Variants in ARHGAP4 observed in about 807,000 individuals in gnomAD.
ARHGAP4 encodes rho GTPase-activating protein 4.
Under a neutral mutation model 67.6 loss-of-function variants are expected in ARHGAP4, and 25 were observed. The observed-to-expected ratio is 0.37, with a 90% CI of 0.27 to 0.52. ARHGAP4 has a LOEUF of 0.52. ARHGAP4 is among the 20% of genes least tolerant of loss of function. The pLI is 0.92. For synonymous variants in ARHGAP4, 448 were observed against 373.7 expected, an observed-to-expected ratio of 1.20 and a Z score of -2.29; for missense variants, 804 against 854.6, an observed-to-expected ratio of 0.94 and a Z score of 0.74.
Position 153,921,589 on chromosome X carries a change from C to G in ARHGAP4, c.272+16G>C, listed in dbSNP as rs2065095260. The G allele has an allele frequency of 8.3e-7, 1 of 1,207,474 alleles. No homozygotes were observed. The highest frequency in any genetic ancestry group is 3.0e-5 in the East Asian group (1 of 33,733). On this transcript the variant is annotated intron_variant, in intron 2 of 21. Transcript: ENST00000350060. ...CTTGGGCCCTGCCGTGGCCCCCCTG[C>G]CAGCACATCACCTACCGGAAGCTTT...
chrX:153,925,797 C>T (rs995236244), intron 1 of ARHGAP4, among the ~76,000 whole-genome samples: 5 of 112,983 alleles, frequency 4.4e-5, no homozygotes, highest in Non-Finnish European at 7.5e-5. Flanking sequence ...TTCACTGTAG[C>T]TAAAATACTG....
chrX:153,924,905 G>A (rs1422334792), intron 1 of ARHGAP4, among the ~76,000 whole-genome samples: 1 of 112,135 alleles, frequency 8.9e-6, no homozygotes, highest in Non-Finnish European at 1.9e-5. Flanking sequence ...AGAATTTAGG[G>A]TGTCAAGACA....
chrX:153,911,921 A>T (rs1265695171), intron 12 of ARHGAP4, among the ~76,000 whole-genome samples: 1 of 79,264 alleles, frequency 1.3e-5, no homozygotes, highest in Non-Finnish European at 2.1e-5. Flanking sequence ...ACAAATAAAA[A>T]AAAAAAAAAA....
At chrX:153,926,054 C>T in intron 1 of ARHGAP4, 82 bp downstream of exon 1, 1 of 1,135,798 alleles carries the variant, frequency 8.8e-7, no homozygotes, top group South Asian at 1.9e-5. Flanking sequence ...GGGCCCTGGG[C>T]CAGCGCGGGG....
At chrX:153,915,203 A>G (rs1243155170) in intron 7 of ARHGAP4, among the ~76,000 whole-genome samples, 1 of 75,300 alleles carries the variant, frequency 1.3e-5, no homozygotes, top group Non-Finnish European at 2.5e-5. Context: ...GTAGAGACGG[A>G]CAGTGGAAGG....
Position 153,910,739 on chromosome X carries a change from A to G in ARHGAP4, c.1777T>C (p.Phe593Leu). 8.4e-7 allele frequency: 1 copy of G among 1,194,401 alleles called. No individual in the cohort carries two copies. Among genetic ancestry groups the G allele is most frequent in the Non-Finnish European group, 1.1e-6 (1 of 886,723 alleles). The change falls in exon 15 of 22, where the codon TTC becomes CTC. Residue 593 changes from phenylalanine to leucine, a missense_variant. This residue lies in a region of ARHGAP4 where 400 missense variants were observed against 348.7 expected (regional missense o/e 1.15). Coordinates refer to ENST00000350060, the MANE Select transcript of ARHGAP4 (RefSeq NM_001666.5). Reference protein sequence around the residue: ...LYFRSLEPPLFPPDLFGELLA... With the variant: ...LYFRSLEPPLLPPDLFGELLA... The stretch of plus-strand genomic sequence containing the variant: ...AGCTCGCCGAACAGGTCTGGGGGGA[A>G]GAGTGGGGGCTCCAGGCTCCGGAAG...
At chrX:153,918,485 A>G (rs2065070159) in intron 7 of ARHGAP4, among the ~76,000 whole-genome samples, 1 of 112,835 alleles carries the variant, frequency 8.9e-6, no homozygotes, top group Non-Finnish European at 1.9e-5. Context: ...GCTGCAGGAA[A>G]AACTAGCTCG....
intron 7 of ARHGAP4, among the ~76,000 whole-genome samples, chrX:153,918,026 C>T (rs1268221932): frequency 8.9e-6 from 1 of 112,203 alleles, no homozygotes; most frequent in Admixed American, 9.4e-5. Context: ...TGGGCATGTT[C>T]TAGCAAGCAG....
At chrX:153,921,251 G>A (rs1557105237) in intron 3 of ARHGAP4, 92 bp from the exon 4 acceptor site, 3 of 1,176,698 alleles carry the variant, frequency 2.5e-6, no homozygotes, top group African/African-American at 1.8e-5. Flanking sequence ...CATCGGGGGG[G>A]CACACAGGTT....
Position 153,909,834 on chromosome X carries a change from C to A in ARHGAP4, c.2321G>T (p.Arg774Leu), listed in dbSNP as rs782144698. ...ELSFRRGDVL[R>L]LHERASSDWW... is the part of the protein sequence containing the mutation. ...GTCGCTCGAGGCCCTCTCGTGCAGC[C>A]GCAGTACGTCCCCCCGCCGGAAGCT... is the stretch of plus-strand genomic sequence containing the variant. The change falls in exon 19 of 22, where the codon CGG becomes CTG. Residue 774 changes from arginine (R) to leucine (L), a missense_variant. This residue lies in a region of ARHGAP4 where 400 missense variants were observed against 348.7 expected (regional missense o/e 1.15). Transcript: ENST00000350060. 2.5e-6 allele frequency: 3 copies of A among 1,200,228 alleles called. No homozygotes were observed. The highest frequency in any genetic ancestry group is 4.5e-5 in the Admixed American group (2 of 44,714).
At chrX:153,909,316 G>A in intron 20 of ARHGAP4, 127 bp downstream of exon 20, 1 of 880,913 alleles carries the variant, frequency 1.1e-6, no homozygotes. Flanking sequence ...CCTGTCACAA[G>A]CTGGGTCATT....
chrX:153,920,518 C>T, intron 5 of ARHGAP4, 108 bp downstream of exon 5: 1 of 889,375 alleles, frequency 1.1e-6, no homozygotes, highest in African/African-American at 2.0e-5. Context: ...ACTGTCCTGC[C>T]ACTCCTGCCC....
In ARHGAP4 at chrX:153,912,993, C is replaced by G. The variant is rs368986121; in HGVS notation, c.1439+31G>C. On this transcript the variant is annotated intron_variant, in intron 11 of 21. Coordinates refer to ENST00000350060, the MANE Select transcript of ARHGAP4 (RefSeq NM_001666.5). ...AGGAAGAGAAGAGATGGCGGACCGT[C>G]GCAGGGCCCCAGCCCTCAGGGAGGA... 4.6e-4 allele frequency: 487 copies of G among 1,055,982 alleles called. 3 individuals carry two copies. The highest frequency in any genetic ancestry group is 5.8e-4 in the Non-Finnish European group (467 of 811,474). 87.0% of individuals were successfully genotyped at this position (1,055,982 alleles called of 1,213,427 possible).
intron 7 of ARHGAP4, among the ~76,000 whole-genome samples, chrX:153,918,332 T>C (rs1442741644): frequency 4.0e-5 from 1 of 25,028 alleles, no homozygotes; most frequent in Admixed American, 5.6e-4. Context: ...GGGTGGGAGC[T>C]GGGAACGGGA....
At chrX:153,909,026 C>G (rs1557101974) in intron 21 of ARHGAP4, 44 bp downstream of exon 21, 1 of 1,164,460 alleles carries the variant, frequency 8.6e-7, no homozygotes, top group African/African-American at 1.8e-5. Flanking sequence ...AGGCAGAGAT[C>G]CCCCAGGACA....
At position 153,911,252 on chromosome X, in the gene ARHGAP4, CTTTTTTTTTTTTTTT is replaced by C. The variant is rs10710691; in HGVS notation, c.1543-78_1543-64del. ...CATGCCCTGTGTTGTCATTCAATTGCTTTTTTTTTTTTTTTTTTTTTTTGAGACAAGGTCTCACTC... is the reference window on the plus strand; with the variant it reads ...CATGCCCTGTGTTGTCATTCAATTGCTTTTTTTTGAGACAAGGTCTCACTC... On this transcript the variant is annotated intron_variant, in intron 12 of 21. Transcript: ENST00000350060. 6 of 422,740 alleles carry C rather than the reference CTTTTTTTTTTTTTTT, an allele frequency of 1.4e-5. No individual in the cohort carries two copies. In the African/African-American group the frequency reaches 2.4e-4, roughly 17 times the overall value. 34.8% of individuals were successfully genotyped at this position (422,740 alleles called of 1,213,427 possible).
Position 153,910,976 on chromosome X carries a change from G to A in ARHGAP4, c.1627C>T (p.Arg543Trp). Residue 543 changes from arginine to tryptophan, a missense_variant, in exon 14 of 22, where the codon CGG (arginine) becomes TGG (tryptophan). Physicochemically the swap from Arg to Trp is moderately radical, Grantham distance 101. This residue lies in a region of ARHGAP4 where 404 missense variants were observed against 505.9 expected (regional missense o/e 0.80). Transcript: ENST00000350060. ...ACCCGGAGCTGGGCACCCGATACCC[G>A]GAAGATGCCTTCATGCTGCAGGCCT... is the stretch of plus-strand genomic sequence containing the variant. ...LNGLQHEGIFRVSGAQLRVSE... is the reference protein window; with the variant it reads ...LNGLQHEGIFWVSGAQLRVSE... 3.0e-6 allele frequency: 3 copies of A among 1,016,448 alleles called. No individual in the cohort carries two copies. The highest frequency in any genetic ancestry group is 3.8e-6 in the Non-Finnish European group (3 of 783,453). 83.8% of individuals were successfully genotyped at this position (1,016,448 alleles called of 1,213,427 possible). A position where few individuals can be genotyped will look rare whatever the true frequency, so the allele number is the denominator to read the frequency against.
At chrX:153,914,657 A>G (rs1024702368) in intron 7 of ARHGAP4, among the ~76,000 whole-genome samples, 21 of 112,351 alleles carry the variant, frequency 1.9e-4, no homozygotes, top group Non-Finnish European at 2.8e-4. Context: ...AGATGGAGCC[A>G]TTGCACTCCA....
At chrX:153,921,549 G>C (rs2065094565) in intron 2 of ARHGAP4, 22 bp from the exon 3 acceptor site, 1 of 1,198,683 alleles carries the variant, frequency 8.3e-7, no homozygotes, top group African/African-American at 1.7e-5. Flanking sequence ...GGGGCACTGA[G>C]ACCTGGGAGC....
Sources: gnomAD v4.1 joint callset for allele counts (sites outside exome capture counted in the v4.1 genomes callset) on GRCh38, gnomAD v4.1.1 for gene constraint, gnomAD v4.1.1 regional missense constraint, MANE v1.5 for transcripts, NCBI Gene and HGNC (gene_info 2026-07-23, HGNC 2026-07-21) for gene names.